The following PARD3 variants were observed in gnomAD, a reference collection of about 807,000 sequenced individuals.
PARD3 encodes the protein par-3 family cell polarity regulator, also known as partitioning defective 3 homolog.
PARD3 carries 75 observed loss-of-function variants against 155.4 expected under a neutral mutation model. That is an observed-to-expected ratio of 0.48 (90% CI 0.40 to 0.58). The LOEUF is 0.58. Among genes scored for constraint, PARD3 ranks in the 20% least tolerant of loss-of-function variants. The pLI is 0.00. For missense variants in PARD3, 1,642 were observed against 1,721.7 expected (o/e 0.95, Z 0.82); for synonymous variants, 576 against 610.5 (o/e 0.94, Z 0.83).
At chr10:34,203,065 G>A (rs1300384083) in intron 22 of PARD3, among the ~76,000 whole-genome samples, 1 of 149,980 alleles carries the variant, frequency 6.7e-6, no homozygotes, top group African/African-American at 2.5e-5. Context: ...TGGCCCCACT[G>A]CCAGCTGCAG....
intron 2 of PARD3, among the ~76,000 whole-genome samples, chr10:34,681,787 T>A: frequency 9.8e-6 from 1 of 102,454 alleles, no homozygotes; most frequent in Non-Finnish European, 2.0e-5. Flanking sequence ...TTTTTTTTTT[T>A]TTTTTTTTTT....
At chr10:34,761,855 T>A (rs1837484814) in intron 1 of PARD3, among the ~76,000 whole-genome samples, 1 of 152,144 alleles carries the variant, frequency 6.6e-6, no homozygotes, top group South Asian at 2.1e-4. Context: ...TATATCATGA[T>A]AAACGAACCA....
chr10:34,170,043 C>T (rs570482492), intron 22 of PARD3, among the ~76,000 whole-genome samples: 24 of 152,318 alleles, frequency 1.6e-4, no homozygotes, highest in Admixed American at 1.6e-3. Flanking sequence ...TCAAGTTTGA[C>T]ATTATTAGAC....
intron 9 of PARD3, 98 bp from the exon 10 acceptor site, chr10:34,378,204 T>G (rs1482089049): frequency 2.0e-5 from 18 of 878,220 alleles, no homozygotes; most frequent in Admixed American, 2.9e-5. Context: ...TGACATTTTG[T>G]AACTTTCACA....
At chr10:34,784,740 A>G (rs533308148) in intron 1 of PARD3, among the ~76,000 whole-genome samples, 9 of 152,228 alleles carry the variant, frequency 5.9e-5, no homozygotes, top group East Asian at 1.9e-4. Flanking sequence ...CCCGGCCCCA[A>G]TATACTTTTT....
chr10:34,795,428 T>C (rs931121114), intron 1 of PARD3, among the ~76,000 whole-genome samples: 4 of 150,976 alleles, frequency 2.6e-5, no homozygotes, highest in Admixed American at 1.3e-4. Flanking sequence ...CTGGGCAACA[T>C]AGTATGACCC....
At chr10:34,163,991 A>G (rs1949403940) in intron 22 of PARD3, among the ~76,000 whole-genome samples, 1 of 152,232 alleles carries the variant, frequency 6.6e-6, no homozygotes, top group Non-Finnish European at 1.5e-5. Flanking sequence ...TAGTTTAAGC[A>G]ATTATTATTA....
intron 5 of PARD3, among the ~76,000 whole-genome samples, chr10:34,404,506 T>C (rs1844235908): frequency 6.6e-6 from 1 of 152,106 alleles, no homozygotes; most frequent in African/African-American, 2.4e-5. Flanking sequence ...GCCTCTATTT[T>C]TTTCTTAAAG....
At chr10:34,668,398 A>G (rs964578742) in intron 2 of PARD3, among the ~76,000 whole-genome samples, 2 of 152,212 alleles carry the variant, frequency 1.3e-5, no homozygotes, top group African/African-American at 4.8e-5. Flanking sequence ...AGTGCAACTG[A>G]ATCATAGTCA....
chr10:34,119,468 A>G, intron 24 of PARD3, 145 bp downstream of exon 24: 1 of 764,388 alleles, frequency 1.3e-6, no homozygotes, highest in Non-Finnish European at 2.0e-6. Context: ...AAGGAACAGT[A>G]GCCACGGGAC....
intron 20 of PARD3, among the ~76,000 whole-genome samples, chr10:34,308,922 G>C (rs1169986570): frequency 6.6e-6 from 1 of 152,150 alleles, no homozygotes. Flanking sequence ...CCAGGGAGGA[G>C]GAGGGAAAGC....
At chr10:34,700,521 T>C (rs1384493963) in intron 1 of PARD3, among the ~76,000 whole-genome samples, 1 of 152,130 alleles carries the variant, frequency 6.6e-6, no homozygotes, top group African/African-American at 2.4e-5. Flanking sequence ...TCATTAACCA[T>C]GGCATACAGC....
intron 14 of PARD3, among the ~76,000 whole-genome samples, chr10:34,352,488 G>A (rs1214752296): frequency 2.0e-5 from 3 of 152,354 alleles, no homozygotes; most frequent in Non-Finnish European, 2.9e-5. Context: ...TGGGATTGCA[G>A]GCACGCGCCG....
chr10:34,343,888 C>T, intron 15 of PARD3: 2 of 983,398 alleles, frequency 2.0e-6, no homozygotes, highest in Non-Finnish European at 2.4e-6. Context: ...GTTTACTAAA[C>T]ATTTATTCAT....
intron 1 of PARD3, among the ~76,000 whole-genome samples, chr10:34,712,847 C>T (rs1053472179): frequency 4.6e-5 from 7 of 152,088 alleles, no homozygotes; most frequent in African/African-American, 1.4e-4. Flanking sequence ...TGGAATCAAT[C>T]GTACCCCAAA....
In PARD3 at chr10:34,677,318, C is replaced by CA. The variant is rs368827784; in HGVS notation, c.222+18999dup. 1.1e-4 allele frequency among the ~76,000 whole-genome samples: 16 copies of CA among 151,446 alleles called. 1 individual carries two copies. The highest frequency in any genetic ancestry group is 3.1e-4 in the African/African-American group (13 of 41,314). On this transcript the variant is annotated intron_variant, in intron 2 of 24. Transcript: ENST00000374788. ...CAACATAGTGAGACCCCCACATCTA[C>CA]AAAAAAATAAAATTAACAGGGTGTA...
chr10:34,331,108 TAA>T lies in PARD3; in HGVS notation c.2833+7_2833+8del. On this transcript the variant is annotated splice_region_variant and intron_variant, in intron 19 of 24. Coordinates refer to ENST00000374788, the MANE Select transcript of PARD3 (RefSeq NM_001184785.2). ...TTAATTATTATTCTTTCAGCCATTA[TAA>T]ACTTACAGGTCTCCATGCCTTCATC... The T allele has an allele frequency of 1.2e-6, 2 of 1,600,196 alleles. No individual in the cohort carries two copies. Among genetic ancestry groups the T allele is most frequent in the Non-Finnish European group, 1.7e-6 (2 of 1,167,354 alleles).
chr10:34,341,883 T>G, intron 15 of PARD3, 67 bp from the exon 16 acceptor site: 1 of 963,480 alleles, frequency 1.0e-6, no homozygotes, highest in Non-Finnish European at 1.6e-6. Flanking sequence ...CTATTAATTT[T>G]AATACTTTGC....
intron 22 of PARD3, among the ~76,000 whole-genome samples, chr10:34,148,459 T>C (rs2132938353): frequency 6.6e-6 from 1 of 152,330 alleles, no homozygotes; most frequent in African/African-American, 2.4e-5. Context: ...CATTTTGTTT[T>C]GACATTATGT....
Sources: allele counts gnomAD v4.1 joint callset (sites outside exome capture counted in the v4.1 genomes callset), GRCh38; gene constraint gnomAD v4.1.1; transcripts MANE v1.5; gene names NCBI Gene and HGNC (gene_info 2026-07-23, HGNC 2026-07-21).